TRIO: variants seen among roughly 807,000 people sequenced by gnomAD.
TRIO encodes the protein triple functional domain protein.
A neutral mutation model predicts 351.9 loss-of-function variants in TRIO; 58 were observed. The observed-to-expected ratio is 0.16, with a 90% CI of 0.13 to 0.21. The LOEUF is 0.21. TRIO is among the 10% of genes least tolerant of loss of function. The pLI is 1.00. For missense variants in TRIO, 3,201 were observed against 4,027.8 expected, an observed-to-expected ratio of 0.79 and a Z score of 5.56; for synonymous variants, 1,758 against 1,595.7, an observed-to-expected ratio of 1.10 and a Z score of -2.42.
At chr5:14,380,898 T>C (rs973360671) in intron 20 of TRIO, among the ~76,000 whole-genome samples, 1 of 152,230 alleles carries the variant, frequency 6.6e-6, no homozygotes, top group Non-Finnish European at 1.5e-5. Context: ...AAACTTTTTA[T>C]TGTTGCGACA....
intron 9 of TRIO, among the ~76,000 whole-genome samples, chr5:14,320,579 C>G (rs1330467521): frequency 6.6e-6 from 1 of 152,126 alleles, no homozygotes; most frequent in Non-Finnish European, 1.5e-5. Context: ...CCATGTTGGA[C>G]CATTTTTTAA....
intron 34 of TRIO, among the ~76,000 whole-genome samples, chr5:14,421,123 G>A (rs80216030): frequency 0.012 from 1,829 of 152,226 alleles, 20 homozygotes; most frequent in Non-Finnish European, 0.018. Flanking sequence ...CCAAGAAGGT[G>A]TTTCTTAATG....
Position 14,308,826 on chromosome 5 carries a change from C to G in TRIO, c.1500+4234C>G, listed in dbSNP as rs576924369. On this transcript the variant is annotated intron_variant, in intron 8 of 56. Transcript: ENST00000344204. ...CAGCCATCCACCTACATTTATCAATCTACCCATCTACCCATATCCATCCAT... is the reference window on the plus strand; with the variant it reads ...CAGCCATCCACCTACATTTATCAATGTACCCATCTACCCATATCCATCCAT... Among the ~76,000 whole-genome samples, 3 of 151,740 alleles carry G rather than the reference C, an allele frequency of 2.0e-5. No individual in the cohort carries two copies. The East Asian group carries it at 5.8e-4, about 29-fold the overall frequency.
intron 33 of TRIO, among the ~76,000 whole-genome samples, chr5:14,412,918 C>T (rs1039580231): frequency 6.6e-6 from 1 of 152,222 alleles, no homozygotes; most frequent in Admixed American, 6.5e-5. Flanking sequence ...GGGCAAGTCA[C>T]CTCACCTCTC....
At chr5:14,394,565 G>A (rs1430856497) in intron 28 of TRIO, among the ~76,000 whole-genome samples, 1 of 152,140 alleles carries the variant, frequency 6.6e-6, no homozygotes, top group Non-Finnish European at 1.5e-5. Context: ...GCTCAGCTCA[G>A]AACACAGATC....
In TRIO at chr5:14,221,418, G is replaced by C. The variant is rs183016888; in HGVS notation, c.158-49407G>C. Among the ~76,000 whole-genome samples the C allele has an allele frequency of 1.5e-3, 230 of 152,310 alleles. 1 individual carries two copies. The highest frequency in any genetic ancestry group is 2.8e-3 in the Non-Finnish European group (191 of 68,028). On this transcript the variant is annotated intron_variant, in intron 1 of 56. Coordinates refer to ENST00000344204, the MANE Select transcript of TRIO (RefSeq NM_007118.4). The stretch of plus-strand genomic sequence containing the variant: ...TTTACAAAATACATTTTGTAAGGCT[G>C]TAGCTGCCATAGATAGTGATTCCTC...
At chr5:14,350,410 TA>T (rs1160473757) in intron 11 of TRIO, among the ~76,000 whole-genome samples, 3 of 151,780 alleles carry the variant, frequency 2.0e-5, no homozygotes, top group Non-Finnish European at 2.9e-5. Context: ...GGAAAGAAAA[TA>T]AAAAAAACCC....
chr5:14,264,777 A>C (rs1257804820), intron 1 of TRIO, among the ~76,000 whole-genome samples: 3 of 152,238 alleles, frequency 2.0e-5, no homozygotes, highest in Admixed American at 1.3e-4. Context: ...CGGGCTCCGC[A>C]GAGAAGTGGC....
At chr5:14,412,794 A>G (rs996620140) in intron 33 of TRIO, among the ~76,000 whole-genome samples, 6 of 152,220 alleles carry the variant, frequency 3.9e-5, no homozygotes, top group African/African-American at 9.7e-5. Context: ...TCCTCTGCTC[A>G]GAGTGTACCT....
At chr5:14,457,343 G>A (rs1025491337) in intron 34 of TRIO, among the ~76,000 whole-genome samples, 3 of 130,596 alleles carry the variant, frequency 2.3e-5, no homozygotes, top group Non-Finnish European at 4.7e-5. Context: ...CTGTGGCACC[G>A]ATGAGCTCCC....
At chr5:14,469,864 C>T (rs571960234) in intron 37 of TRIO, among the ~76,000 whole-genome samples, 1 of 152,372 alleles carries the variant, frequency 6.6e-6, no homozygotes, top group Admixed American at 6.5e-5. Context: ...TCTGCAGCAT[C>T]AGGGGCATCT....
At chr5:14,471,678 C>T (rs1209678249) in intron 38 of TRIO, among the ~76,000 whole-genome samples, 1 of 152,082 alleles carries the variant, frequency 6.6e-6, no homozygotes, top group African/African-American at 2.4e-5. Flanking sequence ...GTATATGATA[C>T]TTCATAAGTA....
At chr5:14,500,913 A>G (rs869306369) in intron 53 of TRIO, among the ~76,000 whole-genome samples, 6 of 135,012 alleles carry the variant, frequency 4.4e-5, no homozygotes, top group Admixed American at 4.4e-4. Flanking sequence ...AAAAAAAAAA[A>G]CACACAGGGA....
At chr5:14,454,965 T>C (rs968494291) in intron 34 of TRIO, among the ~76,000 whole-genome samples, 3 of 152,092 alleles carry the variant, frequency 2.0e-5, no homozygotes, top group African/African-American at 7.2e-5. Context: ...TTACAGCGCT[T>C]AAGGTGGCAC....
rs1754665119 is a variant in TRIO at position 14,471,298 on chromosome 5, A to T, written c.5764-20A>T. 6.2e-7 allele frequency: 1 copy of T among 1,612,308 alleles called. No individual in the cohort carries two copies. ...GGGCTGTGGGCAGTAAGTGTTGTTG[A>T]TTATGTCAATTTCTTCCAGGCACTG... On this transcript the variant is annotated intron_variant, in intron 37 of 56. Coordinates refer to ENST00000344204, the MANE Select transcript of TRIO (RefSeq NM_007118.4).
At position 14,271,463 on chromosome 5, in the gene TRIO, G is replaced by A. The variant is rs111369086; in HGVS notation, c.232+564G>A. Among the ~76,000 whole-genome samples the A allele has an allele frequency of 1.7e-3, 261 of 152,228 alleles. 5 individuals carry two copies. The highest frequency in any genetic ancestry group is 5.7e-3 in the African/African-American group (236 of 41,532). On this transcript the variant is annotated intron_variant, in intron 2 of 56. Transcript: ENST00000344204. ...GACCCAGTCTTTGAGGCCCTGGCCC[G>A]CCCGCAGACAGACTCTGGGCCAGTC... is the stretch of plus-strand genomic sequence containing the variant.
intron 16 of TRIO, among the ~76,000 whole-genome samples, chr5:14,368,315 C>G (rs1744778976): frequency 6.6e-6 from 1 of 152,172 alleles, no homozygotes; most frequent in South Asian, 2.1e-4. Context: ...TCACTCTGGC[C>G]ACCTTTTCTC....
intron 1 of TRIO, among the ~76,000 whole-genome samples, chr5:14,150,530 A>G (rs1227843295): frequency 6.6e-6 from 1 of 152,248 alleles, no homozygotes; most frequent in African/African-American, 2.4e-5. Flanking sequence ...AAAGGATTAT[A>G]TATATGTAAT....
chr5:14,227,634 T>A (rs563062996), intron 1 of TRIO, among the ~76,000 whole-genome samples: 1 of 152,250 alleles, frequency 6.6e-6, no homozygotes, highest in Non-Finnish European at 1.5e-5. Flanking sequence ...AAGACGTGAG[T>A]TTAGGAGACA....
Sources: gnomAD v4.1 joint callset for allele counts (sites outside exome capture counted in the v4.1 genomes callset) on GRCh38, gnomAD v4.1.1 for gene constraint, MANE v1.5 for transcripts, NCBI Gene and HGNC (gene_info 2026-07-23, HGNC 2026-07-21) for gene names.